SLK: variants seen among roughly 807,000 people sequenced by gnomAD.
The protein encoded by SLK is STE20-like serine/threonine-protein kinase.
Under a neutral mutation model 147.7 loss-of-function variants are expected in SLK, and 67 were observed. The observed-to-expected ratio is 0.45, with a 90% confidence interval of 0.37 to 0.56. The LOEUF (loss-of-function observed/expected upper bound fraction) is 0.56, where lower values mean the gene tolerates loss of function less well. Ranked by LOEUF, SLK falls within the 20% of genes least tolerant of loss-of-function variation. The probability of loss-of-function intolerance (pLI) is 0.00; values close to 1 mark genes in which losing one functional copy is unlikely to be tolerated. For missense variants in SLK, 1,136 were observed against 1,438.8 expected, an observed-to-expected ratio of 0.79 and a Z score of 3.41; for synonymous variants, 441 against 475.0, an observed-to-expected ratio of 0.93 and a Z score of 0.93.
intron 9 of SLK, 102 bp downstream of exon 9, chr10:104,003,629 T>A: frequency 4.2e-6 from 4 of 961,380 alleles, no homozygotes; most frequent in Non-Finnish European, 6.2e-6. Context: ...ATTAAATTAA[T>A]GTAGTATTAA....
In SLK at chr10:104,027,906, GTGTT is replaced by G. The variant is rs1438856064; in HGVS notation, c.*2190_*2193del. The G allele has an allele frequency of 2.6e-5, 4 of 152,222 alleles. No individual in the cohort carries two copies. The highest frequency in any genetic ancestry group is 4.8e-5 in the African/African-American group (2 of 41,462). The allele number at this position is 152,222 out of a possible 1,614,324, so 9.4% of individuals were successfully genotyped here. The stretch of plus-strand genomic sequence containing the variant: ...CCCTTAAAACTGCCTTTTGGATTCA[GTGTT>G]TGTGCTTGAGTTCGCTTTCAAATAT... On this transcript the variant is annotated 3_prime_UTR_variant, in exon 19 of 19. Transcript: ENST00000369755.
rs1844249111 is a variant in SLK at position 104,001,588 on chromosome 10, A to G, written c.993+16A>G. 3.1e-6 allele frequency: 5 copies of G among 1,613,208 alleles called. No homozygotes were observed. Among genetic ancestry groups the G allele is most frequent in the East Asian group, 4.5e-5 (2 of 44,866 alleles). On this transcript the variant is annotated intron_variant, in intron 8 of 18. Coordinates refer to ENST00000369755, the MANE Select transcript of SLK (RefSeq NM_014720.4). ...AAATTCTCTGGTCAGTATTTAGGAA[A>G]GAAATTTCATTTAGTGAATAGAGTT...
At position 104,003,112 on chromosome 10, in the gene SLK, C is replaced by T. The variant is rs757446564; in HGVS notation, c.1934C>T (p.Ser645Leu). The T allele has an allele frequency of 1.2e-6, 2 of 1,614,056 alleles. No individual in the cohort carries two copies. Among genetic ancestry groups the T allele is most frequent in the South Asian group, 2.2e-5 (2 of 91,064 alleles). Residue 645 changes from serine (S) to leucine (L), a missense_variant, in exon 9 of 19, where the codon TCA (serine) becomes TTA (leucine). Physicochemically the swap from Ser to Leu is moderately radical, Grantham distance 145 (BLOSUM62 -2). Coordinates refer to ENST00000369755, the MANE Select transcript of SLK (RefSeq NM_014720.4). ...ACTGAAGGTGAAGAAATCACTGAGTCAAGTAGCACTGAAGAAATGGAGGTC... is the reference window on the plus strand; with the variant it reads ...ACTGAAGGTGAAGAAATCACTGAGTTAAGTAGCACTGAAGAAATGGAGGTC... ...GTTEGEEITE[S>L]SSTEEMEVRS...
chr10:104,021,855 A>C (rs1844539562), intron 18 of SLK, 122 bp downstream of exon 18: 1 of 594,134 alleles, frequency 1.7e-6, no homozygotes, highest in East Asian at 3.5e-5. Flanking sequence ...ATGAAAAGAC[A>C]AAGTTTTTGT....
intron 4 of SLK, among the ~76,000 whole-genome samples, chr10:103,996,909 C>T (rs1630099): frequency 0.23 from 34,477 of 151,882 alleles, 4,515 homozygotes; most frequent in African/African-American, 0.36. Context: ...TCTTTTTTAT[C>T]GTAGGAAAAT....
At chr10:104,007,920 C>G (rs1438197590) in intron 11 of SLK, among the ~76,000 whole-genome samples, 2 of 151,914 alleles carry the variant, frequency 1.3e-5, no homozygotes, top group African/African-American at 4.8e-5. Flanking sequence ...CAACTGCACT[C>G]CAGCCTGGGT....
Position 104,003,202 on chromosome 10 carries a change from T to A in SLK, c.2024T>A (p.Val675Asp). ...LGSEVQDASKVTTQIDKEKKE... is the reference protein window; with the variant it reads ...LGSEVQDASKDTTQIDKEKKE... ...AGTGAAGTTCAGGATGCTTCTAAAG[T>A]CACTACTCAGATAGATAAAGAGAAA... Residue 675 changes from valine to aspartate, a missense_variant, in exon 9 of 19, where the codon GTC becomes GAC. By Grantham distance (152) the Val-to-Asp change is radical (BLOSUM62 -3). Transcript: ENST00000369755. 1 of 1,613,488 alleles carries A rather than the reference T, an allele frequency of 6.2e-7. No homozygotes were observed. Among genetic ancestry groups the A allele is most frequent in the Non-Finnish European group, 8.5e-7 (1 of 1,179,786 alleles).
At chr10:104,014,183 CAT>C (rs1169705780) in intron 13 of SLK, among the ~76,000 whole-genome samples, 1 of 152,134 alleles carries the variant, frequency 6.6e-6, no homozygotes, top group Non-Finnish European at 1.5e-5. Context: ...ATTTTGATTG[CAT>C]ATATGTTTAT....
At chr10:104,010,041 T>G (rs1040522084) in intron 12 of SLK, among the ~76,000 whole-genome samples, 8 of 152,170 alleles carry the variant, frequency 5.3e-5, no homozygotes, top group African/African-American at 1.9e-4. Flanking sequence ...CTTCTAGTAT[T>G]TTGAAATGAT....
chr10:103,980,642 T>C lies in SLK; in HGVS notation c.151-10033T>C, dbSNP rs79984191. On this transcript the variant is annotated intron_variant, in intron 1 of 18. Coordinates refer to ENST00000369755, the MANE Select transcript of SLK (RefSeq NM_014720.4). ...CGTAATGAGCCTTAAGGTTCATCCA[T>C]GTCATAGCATATGTTAGAATTTCCT... Among the ~76,000 whole-genome samples, 733 of 152,342 alleles carry C rather than the reference T, an allele frequency of 4.8e-3. 3 individuals carry two copies. The highest frequency in any genetic ancestry group is 0.017 in the African/African-American group (705 of 41,586).
intron 4 of SLK, among the ~76,000 whole-genome samples, chr10:103,993,360 T>C (rs1330435035): frequency 3.3e-5 from 5 of 152,122 alleles, no homozygotes; most frequent in Admixed American, 3.3e-4. Context: ...AAAGAATGAA[T>C]TTTTATTTTC....
chr10:103,990,984 T>A, intron 2 of SLK, 145 bp downstream of exon 2: 2 of 418,628 alleles, frequency 4.8e-6, no homozygotes, highest in Non-Finnish European at 8.3e-6. Flanking sequence ...GATCTGCTGA[T>A]AAGAGAGTAA....
At chr10:104,013,569 C>T (rs1844425617) in intron 13 of SLK, among the ~76,000 whole-genome samples, 1 of 152,154 alleles carries the variant, frequency 6.6e-6, no homozygotes, top group African/African-American at 2.4e-5. Flanking sequence ...TTATTCTTTT[C>T]GTTTACAAAA....
intron 17 of SLK, among the ~76,000 whole-genome samples, chr10:104,021,183 G>A (rs1238619437): frequency 1.3e-5 from 2 of 152,114 alleles, no homozygotes; most frequent in Non-Finnish European, 2.9e-5. Context: ...CTATATATTT[G>A]CTTAATTTAC....
At chr10:104,011,268 A>G (rs568703094) in intron 13 of SLK, among the ~76,000 whole-genome samples, 1 of 152,362 alleles carries the variant, frequency 6.6e-6, no homozygotes, top group African/African-American at 2.4e-5. Flanking sequence ...AGGATGGTAT[A>G]TAAGCTTTGT....
At chr10:103,995,524 TC>T (rs1432009415) in intron 4 of SLK, among the ~76,000 whole-genome samples, 4 of 151,404 alleles carry the variant, frequency 2.6e-5, no homozygotes, top group Non-Finnish European at 5.9e-5. Context: ...CCTCCTGGGT[TC>T]AAGGGATTCT....
rs1471393984 is a variant in SLK, at chr10:104,018,816, C to T, written c.3040C>T (p.Arg1014Ter). Residue 1014 changes from arginine (R) to a stop codon, truncating the protein, a stop_gained, in exon 15 of 19, where the codon CGA becomes TGA. Transcript: ENST00000369755. LOFTEE classifies it high-confidence loss of function. Reference protein sequence around the residue: ...REAAIWELEERHLQEKHQLLK... With the variant: ...REAAIWELEE The stretch of plus-strand genomic sequence containing the variant: ...AGCTGCAATTTGGGAGCTCGAAGAA[C>T]GACACTTACAAGAAAAACACCAGCT... 1.9e-6 allele frequency: 3 copies of T among 1,612,524 alleles called. No individual in the cohort carries two copies. The highest frequency in any genetic ancestry group is 1.7e-6 in the Non-Finnish European group (2 of 1,179,636).
chr10:103,978,520 T>A (rs1843899090), intron 1 of SLK, among the ~76,000 whole-genome samples: 1 of 152,130 alleles, frequency 6.6e-6, no homozygotes, highest in Admixed American at 6.5e-5. Flanking sequence ...TCAGAAAAAA[T>A]TTTAACAAAA....
chr10:103,994,443 TG>T (rs998771401), intron 4 of SLK, among the ~76,000 whole-genome samples: 8 of 152,214 alleles, frequency 5.3e-5, no homozygotes, highest in African/African-American at 1.7e-4. Context: ...GGTTTAAACT[TG>T]CTCATATAAA....
Sources: gnomAD v4.1 joint callset for allele counts (sites outside exome capture counted in the v4.1 genomes callset) on GRCh38, gnomAD v4.1.1 for gene constraint, MANE v1.5 for transcripts, NCBI Gene and HGNC (gene_info 2026-07-23, HGNC 2026-07-21) for gene names.